PPP6R3: variants seen among roughly 807,000 people sequenced by gnomAD.
PPP6R3 encodes serine/threonine-protein phosphatase 6 regulatory subunit 3.
A neutral mutation model predicts 110.7 loss-of-function variants in PPP6R3; 38 were observed. That is an observed-to-expected ratio of 0.34 (90% confidence interval 0.26 to 0.45). The LOEUF (loss-of-function observed/expected upper bound fraction) is 0.45, where lower values mean the gene tolerates loss of function less well. Ranked by LOEUF, PPP6R3 falls within the 20% of genes least tolerant of loss-of-function variation. PPP6R3 has a pLI of 1.00. For missense variants in PPP6R3, 870 were observed against 1,062.4 expected, an observed-to-expected ratio of 0.82 and a Z score of 2.52; for synonymous variants, 369 against 373.5, an observed-to-expected ratio of 0.99 and a Z score of 0.14.
intron 22 of PPP6R3, among the ~76,000 whole-genome samples, chr11:68,604,767 T>C (rs1204824462): frequency 6.6e-6 from 1 of 152,212 alleles, no homozygotes; most frequent in African/African-American, 2.4e-5. Flanking sequence ...TAACTAGGAA[T>C]ATGACCTTTA....
chr11:68,584,658 C>T (rs1287030366), intron 15 of PPP6R3, among the ~76,000 whole-genome samples: 1 of 152,140 alleles, frequency 6.6e-6, no homozygotes, highest in Non-Finnish European at 1.5e-5. Flanking sequence ...CATACCTGTT[C>T]TGGGGAGAGT....
At chr11:68,532,212 T>C (rs1175680542) in intron 2 of PPP6R3, among the ~76,000 whole-genome samples, 1 of 152,232 alleles carries the variant, frequency 6.6e-6, no homozygotes, top group Non-Finnish European at 1.5e-5. Context: ...AAAATAATTT[T>C]AGAGGGTCAT....
At chr11:68,552,365 GATAGT>G (rs945648898) in intron 6 of PPP6R3, among the ~76,000 whole-genome samples, 1 of 152,208 alleles carries the variant, frequency 6.6e-6, no homozygotes, top group Admixed American at 6.5e-5. Context: ...CATTTTCTGT[GATAGT>G]AGAGCGAAAC....
chr11:68,590,345 G>T (rs1196382225), intron 16 of PPP6R3, among the ~76,000 whole-genome samples: 1 of 151,976 alleles, frequency 6.6e-6, no homozygotes, highest in African/African-American at 2.4e-5. Context: ...CTTTTTCTTG[G>T]TTATATTAGT....
chr11:68,494,746 A>C (rs1183508106), intron 1 of PPP6R3, among the ~76,000 whole-genome samples: 1 of 152,032 alleles, frequency 6.6e-6, no homozygotes, highest in Non-Finnish European at 1.5e-5. Context: ...CCCCTTTTGA[A>C]AGGACTTTTT....
intron 2 of PPP6R3, among the ~76,000 whole-genome samples, chr11:68,535,799 TAAAAAA>T (rs1269536453): frequency 4.6e-4 from 36 of 78,388 alleles, no homozygotes; most frequent in Non-Finnish European, 6.5e-4. Context: ...CCGTCTCTAC[TAAAAAA>T]AAAAAAAAAA....
At chr11:68,465,328 T>C (rs974188858) in intron 1 of PPP6R3, among the ~76,000 whole-genome samples, 5 of 152,242 alleles carry the variant, frequency 3.3e-5, no homozygotes, top group Admixed American at 2.6e-4. Context: ...TAAGTTGGAC[T>C]CTTCTGTGCC....
intron 10 of PPP6R3, among the ~76,000 whole-genome samples, chr11:68,568,468 A>G (rs2099488197): frequency 6.6e-6 from 1 of 152,212 alleles, no homozygotes; most frequent in Non-Finnish European, 1.5e-5. Context: ...AATATGACAT[A>G]CTAAATTGAC....
intron 1 of PPP6R3, among the ~76,000 whole-genome samples, chr11:68,477,304 G>A (rs538505325): frequency 3.9e-5 from 6 of 152,142 alleles, no homozygotes; most frequent in African/African-American, 1.4e-4. Flanking sequence ...GTCTGACTTA[G>A]GATTTTTCCA....
chr11:68,551,431 G>A (rs2099375716), intron 6 of PPP6R3, among the ~76,000 whole-genome samples: 1 of 152,156 alleles, frequency 6.6e-6, no homozygotes, highest in Admixed American at 6.5e-5. Flanking sequence ...TCTAGAGCCG[G>A]TATTTCATGC....
In PPP6R3 at chr11:68,613,141, C is replaced by CTT. The variant is rs779935953; in HGVS notation, c.*25_*26insTT. The CTT allele has an allele frequency of 8.1e-6, 13 of 1,613,698 alleles. No individual in the cohort carries two copies. The East Asian group carries it at 2.7e-4, about 33-fold the overall frequency. On this transcript the variant is annotated 3_prime_UTR_variant, in exon 24 of 24. Transcript: ENST00000393800. ...GACGGGTGACGTCTGCTGCTGCTGA[C>CTT]TGAGGACTGCAGACCGCCACCACTC...
In PPP6R3 at chr11:68,558,690, C is replaced by T. The variant is rs754113081; in HGVS notation, c.845+11C>T. On this transcript the variant is annotated intron_variant, in intron 8 of 23. Coordinates refer to ENST00000393800, the MANE Select transcript of PPP6R3 (RefSeq NM_001164161.2). Reference sequence around the variant, plus strand: ...GACACGACGACCAACGTAAGCTTTTCTTATATCTTACAAAATGAACCATGT... The same window carrying T: ...GACACGACGACCAACGTAAGCTTTTTTTATATCTTACAAAATGAACCATGT... The T allele has an allele frequency of 8.3e-6, 13 of 1,565,438 alleles. No homozygotes were observed. Among genetic ancestry groups the T allele is most frequent in the Non-Finnish European group, 1.1e-5 (13 of 1,140,080 alleles).
intron 1 of PPP6R3, among the ~76,000 whole-genome samples, chr11:68,503,290 C>T (rs2099057974): frequency 6.6e-6 from 1 of 152,196 alleles, no homozygotes; most frequent in Non-Finnish European, 1.5e-5. Flanking sequence ...GTTTATTCAA[C>T]AGAACTTGTC....
chr11:68,477,735 AAAAAAAAT>A (rs1199269438), intron 1 of PPP6R3, among the ~76,000 whole-genome samples: 3 of 64,166 alleles, frequency 4.7e-5, no homozygotes, highest in East Asian at 3.4e-4. Context: ...TCTTAAAAAA[AAAAAAAAT>A]ATATATATAT....
intron 1 of PPP6R3, among the ~76,000 whole-genome samples, chr11:68,507,301 TG>T (rs1460171076): frequency 6.6e-6 from 1 of 151,620 alleles, no homozygotes; most frequent in East Asian, 1.9e-4. Flanking sequence ...TTAGAAGTCT[TG>T]GTGTTCCTAC....
Position 68,614,442 on chromosome 11 carries a change from T to C in PPP6R3, c.*1325T>C. ...TTTTCATTTCTGTAATAGAAAATTA[T>C]TCACGTATTTTTACATCATTTGTTT... is the stretch of plus-strand genomic sequence containing the variant. On this transcript the variant is annotated 3_prime_UTR_variant, in exon 24 of 24. Coordinates refer to ENST00000393800, the MANE Select transcript of PPP6R3 (RefSeq NM_001164161.2). 2 of 1,343,382 alleles carry C rather than the reference T, an allele frequency of 1.5e-6. No individual in the cohort carries two copies. The highest frequency in any genetic ancestry group is 1.9e-6 in the Non-Finnish European group (2 of 1,051,674). 83.2% of individuals were successfully genotyped at this position (1,343,382 alleles called of 1,614,324 possible).
chr11:68,488,009 C>G (rs2098959280), intron 1 of PPP6R3, among the ~76,000 whole-genome samples: 1 of 152,140 alleles, frequency 6.6e-6, no homozygotes, highest in Non-Finnish European at 1.5e-5. Context: ...CCTTGCAGTT[C>G]TATCAGTTTT....
At chr11:68,480,370 A>G (rs1258699907) in intron 1 of PPP6R3, among the ~76,000 whole-genome samples, 1 of 152,252 alleles carries the variant, frequency 6.6e-6, no homozygotes, top group Non-Finnish European at 1.5e-5. Context: ...AATGTTCAGC[A>G]AATATTTATT....
In PPP6R3 at chr11:68,558,577, T is replaced by C. The variant is rs750463370; in HGVS notation, c.743T>C (p.Ile248Thr). The C allele has an allele frequency of 6.2e-7, 1 of 1,610,820 alleles. No homozygotes were observed. Among genetic ancestry groups the C allele is most frequent in the Non-Finnish European group, 8.5e-7 (1 of 1,177,626 alleles). Residue 248 changes from isoleucine to threonine, a missense_variant, in exon 8 of 24, where the codon ATA (isoleucine) becomes ACA (threonine). Ile to Thr is a moderately conservative substitution (Grantham distance 89, BLOSUM62 -1). Coordinates refer to ENST00000393800, the MANE Select transcript of PPP6R3 (RefSeq NM_001164161.2). ...ATTTGTTTCCCTAGGCAAGAAATTA[T>C]AGAGCAGCTTCTATCAAATATTTTC... ...LLATLEKQEI[I>T]EQLLSNIFHK...
Sources: allele counts gnomAD v4.1 joint callset (sites outside exome capture counted in the v4.1 genomes callset), GRCh38; gene constraint gnomAD v4.1.1; transcripts MANE v1.5; gene names NCBI Gene and HGNC (gene_info 2026-07-23, HGNC 2026-07-21).